Variants in EHBP1 observed in about 807,000 individuals in gnomAD.
EHBP1 encodes EH domain-binding protein 1.
EHBP1 carries 55 observed loss-of-function variants against 144.0 expected under a neutral mutation model. The ratio of observed to expected loss-of-function variants is 0.38; its 90% confidence interval spans 0.31 to 0.48. EHBP1 has a LOEUF of 0.48. EHBP1 is among the 20% of genes least tolerant of loss of function. The pLI is 0.98. For missense variants in EHBP1, 1,200 were observed against 1,364.2 expected (o/e 0.88, Z 1.90); for synonymous variants, 469 against 472.7 (o/e 0.99, Z 0.10).
chr2:62,765,271 T>C (rs1211569732), intron 4 of EHBP1, among the ~76,000 whole-genome samples: 1 of 152,196 alleles, frequency 6.6e-6, no homozygotes, highest in East Asian at 1.9e-4. Context: ...CCCTATAAGA[T>C]GTGCCTCTTG....
intron 19 of EHBP1, among the ~76,000 whole-genome samples, chr2:63,030,789 CTTTTTTTT>C (rs1226186842): frequency 1.2e-5 from 1 of 85,076 alleles, no homozygotes; most frequent in Admixed American, 1.6e-4. Flanking sequence ...GCACACCCAG[CTTTTTTTT>C]TTTTTTTTTT....
At chr2:62,745,515 A>G (rs1214997036) in intron 2 of EHBP1, among the ~76,000 whole-genome samples, 2 of 151,962 alleles carry the variant, frequency 1.3e-5, no homozygotes, top group East Asian at 3.8e-4. Context: ...GTGTTTTTTT[A>G]AACATTGTAA....
intron 1 of EHBP1, among the ~76,000 whole-genome samples, chr2:62,699,687 T>C (rs918479242): frequency 6.6e-6 from 1 of 152,268 alleles, no homozygotes; most frequent in Middle Eastern, 3.2e-3. Context: ...AACTGATCAA[T>C]GCCTATGCCA....
chr2:62,727,733 A>G (rs1357819072), intron 2 of EHBP1, among the ~76,000 whole-genome samples: 1 of 152,188 alleles, frequency 6.6e-6, no homozygotes, highest in Non-Finnish European at 1.5e-5. Flanking sequence ...CTTTTCTGCT[A>G]TTATGAATAA....
intron 7 of EHBP1, among the ~76,000 whole-genome samples, chr2:62,838,149 C>T (rs2047452369): frequency 6.6e-6 from 1 of 151,650 alleles, no homozygotes; most frequent in Non-Finnish European, 1.5e-5. Flanking sequence ...TCTCTCAGAC[C>T]ACAGTGCAAT....
chr2:62,714,574 G>GA (rs1339082942), intron 2 of EHBP1, among the ~76,000 whole-genome samples: 2 of 152,196 alleles, frequency 1.3e-5, no homozygotes, highest in Non-Finnish European at 2.9e-5. Flanking sequence ...CCAGCATAGA[G>GA]TTGTTTTGAA....
chr2:62,677,172 G>T (rs1363907168), intron 1 of EHBP1, among the ~76,000 whole-genome samples: 1 of 152,170 alleles, frequency 6.6e-6, no homozygotes, highest in Non-Finnish European at 1.5e-5. Context: ...CTCTAGCCAG[G>T]TTGACAGAGC....
chr2:62,882,308 A>G (rs962374885), intron 10 of EHBP1, among the ~76,000 whole-genome samples: 1 of 152,120 alleles, frequency 6.6e-6, no homozygotes, highest in African/African-American at 2.4e-5. Context: ...TGTGCTAGAG[A>G]AAGAGGGAAA....
At chr2:62,840,009 A>G (rs2047665800) in intron 7 of EHBP1, among the ~76,000 whole-genome samples, 1 of 152,196 alleles carries the variant, frequency 6.6e-6, no homozygotes, top group Non-Finnish European at 1.5e-5. Flanking sequence ...ATATGGAACC[A>G]AAAAAGGGCT....
chr2:62,687,002 A>G (rs1419281231), intron 1 of EHBP1, among the ~76,000 whole-genome samples: 2 of 152,162 alleles, frequency 1.3e-5, no homozygotes, highest in African/African-American at 4.8e-5. Context: ...AAACCATTCA[A>G]CTGGTAACTA....
At chr2:62,984,673 A>G (rs1218041814) in intron 15 of EHBP1, among the ~76,000 whole-genome samples, 1 of 152,370 alleles carries the variant, frequency 6.6e-6, no homozygotes, top group Non-Finnish European at 1.5e-5. Context: ...AAGTCAATGA[A>G]TCAAAAGAAA....
chr2:62,947,460 G>A (rs1461092480), intron 12 of EHBP1, among the ~76,000 whole-genome samples: 1 of 152,130 alleles, frequency 6.6e-6, no homozygotes, highest in Non-Finnish European at 1.5e-5. Context: ...CCCAGAGCAA[G>A]AATATATCTA....
At chr2:62,679,941 G>A (rs922937239) in intron 1 of EHBP1, among the ~76,000 whole-genome samples, 45 of 152,170 alleles carry the variant, frequency 3.0e-4, no homozygotes, top group African/African-American at 8.7e-4. Context: ...TCATCTGAGC[G>A]TTTATCTAGA....
chr2:63,039,659 A>G (rs1198886973), intron 21 of EHBP1, among the ~76,000 whole-genome samples: 1 of 152,186 alleles, frequency 6.6e-6, no homozygotes, highest in Non-Finnish European at 1.5e-5. Context: ...TAATAAGTCA[A>G]TTCTAATTAG....
intron 7 of EHBP1, among the ~76,000 whole-genome samples, chr2:62,846,374 T>C (rs1427052919): frequency 2.0e-5 from 3 of 152,176 alleles, no homozygotes; most frequent in Non-Finnish European, 1.5e-5. Flanking sequence ...TCAAGGTTAG[T>C]TTAACCACAT....
At chr2:62,706,195 G>C (rs1366949908) in intron 1 of EHBP1, 143 bp downstream of exon 1, 2 of 153,122 alleles carry the variant, frequency 1.3e-5, no homozygotes, top group Non-Finnish European at 2.9e-5. Flanking sequence ...TGGGCTCCGT[G>C]CGTGAGGAGA....
intron 9 of EHBP1, among the ~76,000 whole-genome samples, chr2:62,868,012 C>T (rs1202181085): frequency 1.3e-5 from 2 of 152,040 alleles, no homozygotes; most frequent in Non-Finnish European, 2.9e-5. Context: ...AAAAAAGCTA[C>T]AATTCTTACC....
intron 14 of EHBP1, among the ~76,000 whole-genome samples, chr2:62,959,057 A>G (rs910797611): frequency 6.6e-6 from 1 of 152,182 alleles, no homozygotes; most frequent in African/African-American, 2.4e-5. Flanking sequence ...GTCCCTGTCT[A>G]CCACTGTTTC....
rs776251241 is a variant in EHBP1, at chr2:62,747,425, CAGA to C, written c.141_143del (p.Arg47del). ...CAGATAAACTGGTGGTAGTTTGGACCAGAAGAAGCCGAAGGAAGTCTTCTAAGG... is the reference window on the plus strand; with the variant it reads ...CAGATAAACTGGTGGTAGTTTGGACCAGAAGCCGAAGGAAGTCTTCTAAGG... On this transcript the variant is annotated inframe_deletion, in exon 3 of 23. Coordinates refer to ENST00000431489, the MANE Select transcript of EHBP1 (RefSeq NM_001142616.3). 2 of 1,609,040 alleles carry C rather than the reference CAGA, an allele frequency of 1.2e-6. No homozygotes were observed. Among genetic ancestry groups the C allele is most frequent in the South Asian group, 1.1e-5 (1 of 90,068 alleles).
Sources: allele counts gnomAD v4.1 joint callset (sites outside exome capture counted in the v4.1 genomes callset), GRCh38; gene constraint gnomAD v4.1.1; transcripts MANE v1.5; gene names NCBI Gene and HGNC (gene_info 2026-07-23, HGNC 2026-07-21).